LINGO2: variants seen among roughly 807,000 people sequenced by gnomAD.
The protein encoded by LINGO2 is leucine-rich repeat and immunoglobulin-like domain-containing nogo receptor-interacting protein 2.
In LINGO2, 14 loss-of-function variants were observed where a neutral mutation model predicts 30.6. That is an observed-to-expected ratio of 0.46 (90% CI 0.30 to 0.72). The LOEUF (loss-of-function observed/expected upper bound fraction) is 0.72. Among genes scored for constraint, LINGO2 ranks in the 30% least tolerant of loss-of-function variants. LINGO2 has a pLI of 0.07. For missense variants in LINGO2, 729 were observed against 751.7 expected, an observed-to-expected ratio of 0.97 and a Z score of 0.35; for synonymous variants, 317 against 288.5, an observed-to-expected ratio of 1.10 and a Z score of -1.00.
chr9:28,476,062 T>A (rs1825715118), intron 1 of LINGO2, 37 bp from the exon 4 acceptor site: 1 of 152,498 alleles, frequency 6.6e-6, no homozygotes, highest in Non-Finnish European at 1.5e-5. Context: ...AAAATGACAC[T>A]CGCTTGCTTC....
the LINGO2 span, among the ~76,000 whole-genome samples, chr9:28,705,082 T>G: frequency 6.6e-6 from 1 of 151,838 alleles, no homozygotes; most frequent in Non-Finnish European, 1.5e-5. Context: ...GCCTGGCTAA[T>G]TTTTTGTATT....
At chr9:29,079,696 A>T in the LINGO2 span, among the ~76,000 whole-genome samples, 1 of 152,006 alleles carries the variant, frequency 6.6e-6, no homozygotes, top group Non-Finnish European at 1.5e-5. Flanking sequence ...TCTCCAGAAC[A>T]TATAAGCAAC....
At chr9:28,994,315 T>C in the LINGO2 span, among the ~76,000 whole-genome samples, 6 of 152,142 alleles carry the variant, frequency 3.9e-5, no homozygotes, top group Non-Finnish European at 1.5e-5. Flanking sequence ...TTACAAGGGA[T>C]GTGAAGGACC....
chr9:29,201,363 C>T, the LINGO2 span, among the ~76,000 whole-genome samples: 1 of 152,016 alleles, frequency 6.6e-6, no homozygotes, highest in Admixed American at 6.6e-5. Flanking sequence ...ATACAATTTA[C>T]TCACTTTAAA....
chr9:28,902,259 T>C, the LINGO2 span, among the ~76,000 whole-genome samples: 2 of 152,176 alleles, frequency 1.3e-5, no homozygotes, highest in African/African-American at 4.8e-5. Flanking sequence ...AGAGCAGGTA[T>C]AGCTATGCTT....
At chr9:28,287,605 C>T (rs139374977) in intron 4 of LINGO2, among the ~76,000 whole-genome samples, 5 of 152,080 alleles carry the variant, frequency 3.3e-5, no homozygotes, top group East Asian at 1.9e-4. Context: ...GCCGTGTTCT[C>T]GAGGAGGAAA....
chr9:28,303,980 C>T (rs914974036), intron 3 of LINGO2, among the ~76,000 whole-genome samples: 16 of 152,042 alleles, frequency 1.1e-4, no homozygotes, highest in African/African-American at 3.1e-4. Flanking sequence ...TGTATGTGTA[C>T]ATATATATTT....
the LINGO2 span, among the ~76,000 whole-genome samples, chr9:28,961,027 T>C: frequency 6.6e-6 from 1 of 151,856 alleles, no homozygotes; most frequent in African/African-American, 2.4e-5. Flanking sequence ...AATCAGAAAA[T>C]GGTTATGCTC....
chr9:28,477,036 A>G (rs1825756557), intron 1 of LINGO2, among the ~76,000 whole-genome samples: 1 of 152,168 alleles, frequency 6.6e-6, no homozygotes, highest in Non-Finnish European at 1.5e-5. Context: ...ACAGAAAGAG[A>G]GAAAGATAAG....
the LINGO2 span, among the ~76,000 whole-genome samples, chr9:29,125,220 T>C: frequency 6.6e-6 from 1 of 151,920 alleles, no homozygotes; most frequent in Non-Finnish European, 1.5e-5. Flanking sequence ...TGAGAACAAA[T>C]GGACACAGGG....
intron 1 of LINGO2, among the ~76,000 whole-genome samples, chr9:28,614,913 G>A (rs1203115162): frequency 6.6e-6 from 1 of 152,110 alleles, no homozygotes; most frequent in Non-Finnish European, 1.5e-5. Flanking sequence ...TTTGTTTACT[G>A]TGCTAGAGGA....
At chr9:28,851,109 C>T in the LINGO2 span, among the ~76,000 whole-genome samples, 1 of 151,998 alleles carries the variant, frequency 6.6e-6, no homozygotes, top group African/African-American at 2.4e-5. Flanking sequence ...AAAATGTTAG[C>T]CCGATGCTCA....
the LINGO2 span, among the ~76,000 whole-genome samples, chr9:28,779,279 C>T: frequency 1.3e-5 from 2 of 152,178 alleles, no homozygotes; most frequent in Admixed American, 6.5e-5. Flanking sequence ...TAGGTTAGCA[C>T]TTTTATTTTG....
the LINGO2 span, among the ~76,000 whole-genome samples, chr9:28,979,960 T>C: frequency 3.3e-5 from 5 of 152,160 alleles, no homozygotes; most frequent in African/African-American, 1.2e-4. Flanking sequence ...TTATGATGTA[T>C]AGCCAACATT....
chr9:28,234,944 G>T (rs1821506281), intron 4 of LINGO2, among the ~76,000 whole-genome samples: 1 of 152,222 alleles, frequency 6.6e-6, no homozygotes. Flanking sequence ...TAGGATGCAA[G>T]AGAGTAGAAC....
intron 4 of LINGO2, among the ~76,000 whole-genome samples, chr9:28,140,859 T>C (rs1827652455): frequency 6.6e-6 from 1 of 152,082 alleles, no homozygotes; most frequent in South Asian, 2.1e-4. Context: ...AAGATACTAA[T>C]CATGATTATT....
the LINGO2 span, among the ~76,000 whole-genome samples, chr9:28,795,191 C>T: frequency 6.6e-6 from 1 of 152,128 alleles, no homozygotes; most frequent in Admixed American, 6.5e-5. Context: ...CAAATAAGTT[C>T]ATAAAGCAAG....
chr9:28,237,224 G>T (rs1476791016), intron 4 of LINGO2, among the ~76,000 whole-genome samples: 2 of 151,744 alleles, frequency 1.3e-5, no homozygotes, highest in Non-Finnish European at 2.9e-5. Flanking sequence ...AAGATAATGG[G>T]TTATAGGATA....
At chr9:28,799,069 T>C in the LINGO2 span, among the ~76,000 whole-genome samples, 1 of 152,102 alleles carries the variant, frequency 6.6e-6, no homozygotes, top group Admixed American at 6.6e-5. Flanking sequence ...AGTGAGTTTG[T>C]ATAATTTTAT....
Sources: gnomAD v4.1 joint callset for allele counts (sites outside exome capture counted in the v4.1 genomes callset) on GRCh38, gnomAD v4.1.1 for gene constraint, MANE v1.5 for transcripts, NCBI Gene and HGNC (gene_info 2026-07-23, HGNC 2026-07-21) for gene names.